Variants in ATP13A5 observed in about 807,000 individuals in gnomAD.
The protein encoded by ATP13A5 is probable cation-transporting ATPase 13A5.
A neutral mutation model predicts 150.2 loss-of-function variants in ATP13A5; 149 were observed. That is an observed-to-expected ratio of 0.99 (90% CI 0.87 to 1.14). The LOEUF (loss-of-function observed/expected upper bound fraction) is 1.14. Ranked by LOEUF, ATP13A5 falls within the 50% of genes most tolerant of loss-of-function variation. The probability of loss-of-function intolerance (pLI) is 0.00; values close to 1 mark genes in which losing one functional copy is unlikely to be tolerated. For missense variants in ATP13A5, 1,383 were observed against 1,449.3 expected, an observed-to-expected ratio of 0.95 and a Z score of 0.74; for synonymous variants, 497 against 522.2, an observed-to-expected ratio of 0.95 and a Z score of 0.66.
chr3:193,286,729 C>G (rs1717738500), intron 26 of ATP13A5, among the ~76,000 whole-genome samples: 1 of 152,078 alleles, frequency 6.6e-6, no homozygotes, highest in African/African-American at 2.4e-5. Flanking sequence ...ATTAATAACC[C>G]CACAGTGGCC....
chr3:193,298,683 G>A (rs1216091674), intron 25 of ATP13A5, among the ~76,000 whole-genome samples: 1 of 152,120 alleles, frequency 6.6e-6, no homozygotes, highest in Non-Finnish European at 1.5e-5. Flanking sequence ...AGCAATAGCT[G>A]CTGTTGGAAG....
chr3:193,369,969 A>G (rs1577376353), intron 1 of ATP13A5, among the ~76,000 whole-genome samples: 1 of 152,188 alleles, frequency 6.6e-6, no homozygotes, highest in African/African-American at 2.4e-5. Flanking sequence ...TTTAGTTGCA[A>G]TATACTGGAT....
In ATP13A5 at chr3:193,362,753, CT is replaced by C. The variant is rs111998956; in HGVS notation, c.385-117del. ...CTTGTGGGTCTCACTTGCTTTCCTT[CT>C]TTCTTTCTTTCTTTCTTTCTTTCTT... On this transcript the variant is annotated intron_variant, in intron 3 of 29. Transcript: ENST00000342358. The C allele has an allele frequency of 7.8e-3, 515 of 65,736 alleles. 4 individuals are homozygous for C. The highest frequency in any genetic ancestry group is 0.057 in the African/African-American group (423 of 7,388). The allele number at this position is 65,736 out of a possible 1,614,324, so 4.1% of individuals were successfully genotyped here. A position where few individuals can be genotyped will look rare whatever the true frequency, so the allele number is the denominator to read the frequency against.
At chr3:193,327,084 G>T in intron 12 of ATP13A5, 27 bp from the exon 13 acceptor site, 2 of 1,583,418 alleles carry the variant, frequency 1.3e-6, no homozygotes, top group Non-Finnish European at 1.7e-6. Context: ...AGCAATATTA[G>T]CATAAGATTT....
chr3:193,374,485 T>G (rs895456776), intron 1 of ATP13A5, among the ~76,000 whole-genome samples: 1 of 152,014 alleles, frequency 6.6e-6, no homozygotes, highest in Non-Finnish European at 1.5e-5. Flanking sequence ...TCTACTGAAA[T>G]TTTTAAAAAA....
intron 21 of ATP13A5, among the ~76,000 whole-genome samples, chr3:193,309,992 G>A (rs1718780352): frequency 6.6e-6 from 1 of 152,130 alleles, no homozygotes; most frequent in African/African-American, 2.4e-5. Context: ...GTACCCAGTA[G>A]TTATTTTTTC....
chr3:193,284,505 C>T (rs1560112985), intron 27 of ATP13A5, among the ~76,000 whole-genome samples: 1 of 152,124 alleles, frequency 6.6e-6, no homozygotes, highest in East Asian at 1.9e-4. Flanking sequence ...CAGGACTTAA[C>T]AAATTAAGGA....
chr3:193,339,466 TTAAA>T (rs1406051634), intron 9 of ATP13A5, among the ~76,000 whole-genome samples: 1 of 152,182 alleles, frequency 6.6e-6, no homozygotes, highest in African/African-American at 2.4e-5. Flanking sequence ...CGCAGATGAA[TTAAA>T]TAAAAATGCC....
intron 1 of ATP13A5, among the ~76,000 whole-genome samples, chr3:193,373,366 A>G (rs1713520348): frequency 6.6e-6 from 1 of 151,476 alleles, no homozygotes; most frequent in South Asian, 2.1e-4. Flanking sequence ...CTGGTCTCAA[A>G]CTCCTGACCT....
At chr3:193,370,306 C>T (rs1414333940) in intron 1 of ATP13A5, among the ~76,000 whole-genome samples, 2 of 152,184 alleles carry the variant, frequency 1.3e-5, no homozygotes, top group Admixed American at 1.3e-4. Context: ...AGGTCTGACA[C>T]CAGAACCTCT....
At chr3:193,349,691 A>G (rs920574604) in intron 7 of ATP13A5, among the ~76,000 whole-genome samples, 4 of 152,244 alleles carry the variant, frequency 2.6e-5, no homozygotes, top group Non-Finnish European at 2.9e-5. Context: ...TAAAACATCA[A>G]TGAGACCCGG....
intron 9 of ATP13A5, among the ~76,000 whole-genome samples, chr3:193,335,435 C>T (rs1476268687): frequency 6.6e-6 from 1 of 152,200 alleles, no homozygotes; most frequent in Non-Finnish European, 1.5e-5. Flanking sequence ...AATGAAGGAG[C>T]TTTCCAGCAC....
At chr3:193,364,537 A>G (rs1456255346) in intron 1 of ATP13A5, among the ~76,000 whole-genome samples, 2 of 152,168 alleles carry the variant, frequency 1.3e-5, no homozygotes, top group African/African-American at 4.8e-5. Flanking sequence ...ATTTGCTTCT[A>G]TATATTCATA....
At chr3:193,354,217 A>G in intron 5 of ATP13A5, 21 bp from the exon 6 acceptor site, 2 of 1,603,608 alleles carry the variant, frequency 1.2e-6, no homozygotes, top group East Asian at 2.2e-5. Flanking sequence ...TTGATCATCC[A>G]TTAGTGTCAT....
intron 27 of ATP13A5, among the ~76,000 whole-genome samples, chr3:193,279,976 T>TAAA (rs57617984): frequency 0.58 from 34,577 of 59,794 alleles, 13,169 homozygotes; most frequent in South Asian, 0.64. Context: ...GTGTCTTTGT[T>TAAA]AAAAAAAAAA....
intron 25 of ATP13A5, among the ~76,000 whole-genome samples, chr3:193,295,623 T>G (rs1379094806): frequency 6.6e-6 from 1 of 152,124 alleles, no homozygotes; most frequent in Non-Finnish European, 1.5e-5. Context: ...TATAAGGGAA[T>G]GTTGAATGGT....
At chr3:193,359,089 TA>T (rs1712901873) in intron 5 of ATP13A5, among the ~76,000 whole-genome samples, 1 of 152,186 alleles carries the variant, frequency 6.6e-6, no homozygotes, top group Non-Finnish European at 1.5e-5. Context: ...AGGATATATA[TA>T]TATATGTTAC....
chr3:193,361,176 TA>T (rs1712992987), intron 5 of ATP13A5, among the ~76,000 whole-genome samples: 1 of 152,240 alleles, frequency 6.6e-6, no homozygotes, highest in African/African-American at 2.4e-5. Context: ...TATTTAGTGC[TA>T]TTAAACCAAT....
intron 9 of ATP13A5, among the ~76,000 whole-genome samples, chr3:193,336,323 G>T (rs1357181538): frequency 6.6e-6 from 1 of 152,044 alleles, no homozygotes; most frequent in Non-Finnish European, 1.5e-5. Context: ...GTGCCATGCT[G>T]GTGTGCTGCA....
Sources: allele counts gnomAD v4.1 joint callset (sites outside exome capture counted in the v4.1 genomes callset), GRCh38; gene constraint gnomAD v4.1.1; transcripts MANE v1.5; gene names NCBI Gene and HGNC (gene_info 2026-07-23, HGNC 2026-07-21).